The following ZNRF3 variants were observed in gnomAD, a reference collection of about 807,000 sequenced individuals.
ZNRF3 encodes the protein zinc and ring finger 3.
In ZNRF3, 23 loss-of-function variants were observed where a neutral mutation model predicts 72.5. That is an observed-to-expected ratio of 0.32 (90% CI 0.23 to 0.45). The LOEUF (loss-of-function observed/expected upper bound fraction) is 0.45, where lower values mean the gene tolerates loss of function less well. ZNRF3 is among the 20% of genes least tolerant of loss of function. ZNRF3 has a pLI of 1.00. For synonymous variants in ZNRF3, 610 were observed against 545.3 expected, an observed-to-expected ratio of 1.12 and a Z score of -1.65; for missense variants, 1,169 against 1,272.1, an observed-to-expected ratio of 0.92 and a Z score of 1.23.
intron 1 of ZNRF3, among the ~76,000 whole-genome samples, chr22:28,886,933 A>G (rs1454394895): frequency 2.0e-5 from 3 of 152,100 alleles, no homozygotes; most frequent in African/African-American, 7.2e-5. Context: ...TCCAGCCTGG[A>G]CAACAGAGCG....
At chr22:28,959,472 C>T (rs2035319113) in intron 1 of ZNRF3, among the ~76,000 whole-genome samples, 1 of 152,166 alleles carries the variant, frequency 6.6e-6, no homozygotes, top group Admixed American at 6.5e-5. Context: ...ATGCTTGTGT[C>T]TAGAAGTAAT....
intron 2 of ZNRF3, among the ~76,000 whole-genome samples, chr22:29,019,933 C>T (rs901772083): frequency 4.6e-5 from 7 of 151,978 alleles, no homozygotes; most frequent in Admixed American, 4.6e-4. Flanking sequence ...CCCCACCCCA[C>T]CCCCATCTTG....
chr22:29,027,176 C>T (rs2123866798), intron 2 of ZNRF3, among the ~76,000 whole-genome samples: 1 of 152,274 alleles, frequency 6.6e-6, no homozygotes, highest in South Asian at 2.1e-4. Context: ...GCTAGATCTA[C>T]CTCCAGCCCG....
intron 2 of ZNRF3, among the ~76,000 whole-genome samples, chr22:29,006,299 C>T (rs1176175942): frequency 1.3e-5 from 2 of 150,220 alleles, no homozygotes; most frequent in Non-Finnish European, 2.9e-5. Context: ...CCGCAACCTC[C>T]ACCTCCCGGG....
chr22:28,905,077 A>C (rs2034181229), intron 1 of ZNRF3, among the ~76,000 whole-genome samples: 1 of 151,930 alleles, frequency 6.6e-6, no homozygotes, highest in Admixed American at 6.6e-5. Context: ...CTGGTACTAC[A>C]GGCACCTGAT....
At chr22:28,994,584 G>A (rs923252627) in intron 2 of ZNRF3, among the ~76,000 whole-genome samples, 24 of 152,026 alleles carry the variant, frequency 1.6e-4, no homozygotes, top group Non-Finnish European at 2.9e-5. Flanking sequence ...GGGGTATGGG[G>A]CAAGGGGAGT....
Position 29,049,724 on chromosome 22 carries a change from G to T in ZNRF3, c.1543G>T (p.Val515Leu). 6.3e-7 allele frequency: 1 copy of T among 1,599,948 alleles called. No homozygotes were observed. ...GSLLFPTVVH[V>L]APPSHLESGS... ...CCTGCTCTTCCCCACCGTGGTGCAC[G>T]TGGCCCCGCCCTCCCACCTGGAGAG... is the stretch of plus-strand genomic sequence containing the variant. The change falls in exon 8 of 9, where the codon GTG (valine) becomes TTG (leucine). Residue 515 changes from valine (V) to leucine (L), a missense_variant. By Grantham distance (32) the Val-to-Leu change is conservative. This residue lies in a region of ZNRF3 where 783 missense variants were observed against 731.4 expected (regional missense o/e 1.07). Coordinates refer to ENST00000544604, the MANE Select transcript of ZNRF3 (RefSeq NM_001206998.2). The surrounding 1 kb of genome is among the most constrained non-coding windows in gnomAD (Gnocchi z 5.2).
At chr22:29,033,084 TCAGGCCTGTAATCC>T (rs528625965) in intron 2 of ZNRF3, among the ~76,000 whole-genome samples, 361 of 152,296 alleles carry the variant, frequency 2.4e-3, no homozygotes, top group African/African-American at 8.4e-3. Flanking sequence ...GTGTGGTGGC[TCAGGCCTGTAATCC>T]CAGCACTTTG....
chr22:28,973,440 A>T (rs1366717839), intron 1 of ZNRF3, among the ~76,000 whole-genome samples: 1 of 152,174 alleles, frequency 6.6e-6, no homozygotes, highest in Non-Finnish European at 1.5e-5. Context: ...GTATCTGAAC[A>T]TCAGAAATAA....
intron 1 of ZNRF3, among the ~76,000 whole-genome samples, chr22:28,955,493 G>C (rs1287758615): frequency 6.6e-6 from 1 of 152,142 alleles, no homozygotes; most frequent in East Asian, 1.9e-4. Context: ...ATCAGCAGTG[G>C]ACTCCTGGCC....
At chr22:28,974,890 G>C (rs1282398896) in intron 1 of ZNRF3, among the ~76,000 whole-genome samples, 1 of 152,120 alleles carries the variant, frequency 6.6e-6, no homozygotes, top group African/African-American at 2.4e-5. Context: ...TCCCATCTTG[G>C]CCTCCCAAAG....
intron 2 of ZNRF3, among the ~76,000 whole-genome samples, chr22:29,035,689 C>T (rs1199093604): frequency 6.6e-6 from 1 of 152,164 alleles, no homozygotes; most frequent in Non-Finnish European, 1.5e-5. Context: ...AATTCTCCTG[C>T]CTCAGCCTCC....
At chr22:29,021,804 T>C (rs66905312) in intron 2 of ZNRF3, among the ~76,000 whole-genome samples, 46,902 of 152,082 alleles carry the variant, frequency 0.31, 8,851 homozygotes, top group Middle Eastern at 0.42. Flanking sequence ...TAATCTTTAT[T>C]GAAGTATAAT....
At chr22:29,044,577 C>A (rs1457074792) in intron 4 of ZNRF3, among the ~76,000 whole-genome samples, 1 of 152,228 alleles carries the variant, frequency 6.6e-6, no homozygotes, top group Non-Finnish European at 1.5e-5. Context: ...CCACAGGCGT[C>A]CCCCTGGGCC....
At chr22:28,917,677 G>GA (rs1456263580) in intron 1 of ZNRF3, among the ~76,000 whole-genome samples, 12 of 151,926 alleles carry the variant, frequency 7.9e-5, no homozygotes, top group Non-Finnish European at 1.8e-4. Context: ...TCTTTAAAAA[G>GA]AAAAAAAGCT....
chr22:28,891,278 C>T (rs984600817), intron 1 of ZNRF3, among the ~76,000 whole-genome samples: 2 of 152,230 alleles, frequency 1.3e-5, no homozygotes, highest in African/African-American at 4.8e-5. Flanking sequence ...TGGAGCCCTT[C>T]TGTTACCCCC....
At chr22:28,908,054 G>A (rs1002334750) in intron 1 of ZNRF3, among the ~76,000 whole-genome samples, 4 of 152,198 alleles carry the variant, frequency 2.6e-5, no homozygotes, top group Non-Finnish European at 5.9e-5. Context: ...GCTGTTTGGA[G>A]GGACCACTGG....
At chr22:28,955,747 T>C (rs912294415) in intron 1 of ZNRF3, among the ~76,000 whole-genome samples, 11 of 150,876 alleles carry the variant, frequency 7.3e-5, no homozygotes, top group African/African-American at 2.7e-4. Flanking sequence ...AGCGAGACCC[T>C]GTCTCTATTA....
chr22:28,944,937 A>C (rs5762908), intron 1 of ZNRF3, among the ~76,000 whole-genome samples: 9 of 122,992 alleles, frequency 7.3e-5, no homozygotes, highest in East Asian at 2.7e-4. Context: ...AAATAAATAA[A>C]TAAATAAATA....
Sources: gnomAD v4.1 joint callset for allele counts (sites outside exome capture counted in the v4.1 genomes callset) on GRCh38, gnomAD v4.1.1 for gene constraint, gnomAD v4.1.1 regional missense constraint, Gnocchi (gnomAD v3.1) non-coding constraint, MANE v1.5 for transcripts, NCBI Gene and HGNC (gene_info 2026-07-23, HGNC 2026-07-21) for gene names.